Variants in GPC5 observed in about 807,000 individuals in gnomAD.
The protein encoded by GPC5 is glypican 5.
GPC5 carries 47 observed loss-of-function variants against 53.9 expected under a neutral mutation model. The ratio of observed to expected loss-of-function variants is 0.87; its 90% CI spans 0.69 to 1.11. The LOEUF is 1.11. Ranked by LOEUF, GPC5 falls within the 50% of genes most tolerant of loss-of-function variation. The pLI is 0.00. For synonymous variants in GPC5, 286 were observed against 263.3 expected, an observed-to-expected ratio of 1.09 and a Z score of -0.84; for missense variants, 748 against 713.1, an observed-to-expected ratio of 1.05 and a Z score of -0.56.
intron 6 of GPC5, among the ~76,000 whole-genome samples, chr13:92,094,520 C>CAAAA (rs71200562): frequency 4.4e-4 from 30 of 68,180 alleles, no homozygotes; most frequent in African/African-American, 9.1e-4. Flanking sequence ...GACTCCGTCT[C>CAAAA]AAAAAAAAAA....
intron 7 of GPC5, among the ~76,000 whole-genome samples, chr13:92,778,989 A>G (rs1180924686): frequency 6.7e-6 from 1 of 148,880 alleles, no homozygotes; most frequent in Non-Finnish European, 1.5e-5. Flanking sequence ...ACACACACAC[A>G]TATATATATA....
chr13:91,545,655 T>A (rs1394352279), intron 2 of GPC5, among the ~76,000 whole-genome samples: 1 of 152,126 alleles, frequency 6.6e-6, no homozygotes, highest in Non-Finnish European at 1.5e-5. Flanking sequence ...AGCTTCTTAA[T>A]CTTGCTTGAC....
At chr13:91,544,487 T>G (rs2030159893) in intron 2 of GPC5, among the ~76,000 whole-genome samples, 1 of 152,178 alleles carries the variant, frequency 6.6e-6, no homozygotes, top group African/African-American at 2.4e-5. Flanking sequence ...TTATAAATGT[T>G]TCATGGACAT....
intron 7 of GPC5, among the ~76,000 whole-genome samples, chr13:92,260,857 G>C (rs2042761665): frequency 6.6e-6 from 1 of 152,096 alleles, no homozygotes; most frequent in Non-Finnish European, 1.5e-5. Context: ...CTTGACTTTA[G>C]ATGTGCTCTG....
intron 5 of GPC5, among the ~76,000 whole-genome samples, chr13:91,771,560 A>G (rs993053701): frequency 3.9e-5 from 6 of 152,190 alleles, no homozygotes; most frequent in Non-Finnish European, 5.9e-5. Flanking sequence ...ACTAAAATGA[A>G]GAATATAATT....
At chr13:91,938,208 A>G (rs2039889229) in intron 6 of GPC5, among the ~76,000 whole-genome samples, 1 of 152,056 alleles carries the variant, frequency 6.6e-6, no homozygotes. Flanking sequence ...GCATATTGCC[A>G]TCATCTCCTC....
chr13:91,862,995 T>C lies in GPC5; in HGVS notation c.1281-44942T>C, dbSNP rs57020089. Among the ~76,000 whole-genome samples, 804 of 151,634 alleles carry C rather than the reference T, an allele frequency of 5.3e-3. 4 individuals carry two copies. The highest frequency in any genetic ancestry group is 0.018 in the African/African-American group (743 of 41,340). Reference sequence around the variant, plus strand: ...TTCTCCTTCTCTTTCCCCTTCCTTTTTCTCCTCCCTCTCCCTTTCCCTTCC... The same window carrying C: ...TTCTCCTTCTCTTTCCCCTTCCTTTCTCTCCTCCCTCTCCCTTTCCCTTCC... On this transcript the variant is annotated intron_variant, in intron 5 of 7. Coordinates refer to ENST00000377067, the MANE Select transcript of GPC5 (RefSeq NM_004466.6).
At chr13:92,279,546 T>G (rs1594061848) in intron 7 of GPC5, among the ~76,000 whole-genome samples, 1 of 152,050 alleles carries the variant, frequency 6.6e-6, no homozygotes, top group African/African-American at 2.4e-5. Context: ...CTCTGTCTTT[T>G]GTCTTGTTCC....
In GPC5 at chr13:91,738,120, G is replaced by T. The variant is rs184241173; in HGVS notation, c.1154+9455G>T. ...TTGCCTTGTTACACAGGTAAACTTC[G>T]CACTGGTGATAAAGACAAACTAGGT... On this transcript the variant is annotated intron_variant, in intron 4 of 7. Transcript: ENST00000377067. Among the ~76,000 whole-genome samples the T allele has an allele frequency of 7.3e-5, 11 of 151,204 alleles. 2 individuals are homozygous for T. Among genetic ancestry groups the T allele is most frequent in the African/African-American group, 2.2e-4 (9 of 40,578 alleles).
intron 7 of GPC5, among the ~76,000 whole-genome samples, chr13:92,741,920 C>A (rs981390966): frequency 6.6e-6 from 1 of 152,012 alleles, no homozygotes; most frequent in East Asian, 1.9e-4. Context: ...TGAACCCATC[C>A]TTTTTATGGC....
chr13:92,014,473 A>T (rs549083720), intron 6 of GPC5, among the ~76,000 whole-genome samples: 305 of 152,298 alleles, frequency 2.0e-3, no homozygotes, highest in Non-Finnish European at 3.2e-3. Context: ...ATAATTCAGA[A>T]AAACATAAGG....
intron 2 of GPC5, among the ~76,000 whole-genome samples, chr13:91,651,234 T>A (rs2034701654): frequency 6.6e-6 from 1 of 151,794 alleles, no homozygotes; most frequent in Non-Finnish European, 1.5e-5. Context: ...ACAGACACAT[T>A]TTTTTTTCTC....
At chr13:91,903,827 G>A (rs183762920) in intron 5 of GPC5, among the ~76,000 whole-genome samples, 2 of 151,976 alleles carry the variant, frequency 1.3e-5, no homozygotes, top group Non-Finnish European at 2.9e-5. Context: ...AAACCAAAAG[G>A]TAAGCAGGTA....
intron 5 of GPC5, among the ~76,000 whole-genome samples, chr13:91,844,681 A>T (rs1179255601): frequency 1.3e-5 from 2 of 152,020 alleles, no homozygotes; most frequent in African/African-American, 4.8e-5. Context: ...TCTATATTGG[A>T]ATAACCTTTG....
intron 5 of GPC5, among the ~76,000 whole-genome samples, chr13:91,771,521 A>G (rs968478257): frequency 6.6e-6 from 1 of 152,186 alleles, no homozygotes; most frequent in African/African-American, 2.4e-5. Flanking sequence ...ATCTCCATTA[A>G]TAAGGAAATA....
intron 6 of GPC5, among the ~76,000 whole-genome samples, chr13:92,026,825 C>G (rs1156346965): frequency 6.6e-6 from 1 of 152,058 alleles, no homozygotes; most frequent in African/African-American, 2.4e-5. Context: ...AGCTCTGTGT[C>G]CATAACAAAG....
intron 2 of GPC5, among the ~76,000 whole-genome samples, chr13:91,652,147 T>A (rs1186213880): frequency 6.6e-6 from 1 of 152,202 alleles, no homozygotes; most frequent in Non-Finnish European, 1.5e-5. Context: ...TGATCTCAAT[T>A]GTCATCAATA....
intron 7 of GPC5, among the ~76,000 whole-genome samples, chr13:92,710,380 G>C (rs1164793593): frequency 1.3e-5 from 2 of 152,140 alleles, no homozygotes; most frequent in East Asian, 1.9e-4. Flanking sequence ...GAGTAATTTA[G>C]AGGAATGGAA....
intron 7 of GPC5, among the ~76,000 whole-genome samples, chr13:92,734,302 C>T (rs1888882347): frequency 6.6e-6 from 1 of 151,782 alleles, no homozygotes; most frequent in Admixed American, 6.6e-5. Flanking sequence ...TCCTCTGGTG[C>T]ATGTTTGCAC....
Sources: gnomAD v4.1 joint callset for allele counts (sites outside exome capture counted in the v4.1 genomes callset) on GRCh38, gnomAD v4.1.1 for gene constraint, MANE v1.5 for transcripts, NCBI Gene and HGNC (gene_info 2026-07-23, HGNC 2026-07-21) for gene names.